Variants in LRRC69 observed in about 807,000 individuals in gnomAD.
LRRC69 encodes leucine rich repeat containing 69.
Under a neutral mutation model 37.8 loss-of-function variants are expected in LRRC69, and 42 were observed. That is an observed-to-expected ratio of 1.11 (90% CI 0.87 to 1.44). LRRC69 has a LOEUF of 1.44. Ranked by LOEUF, LRRC69 falls within the 40% of genes most tolerant of loss-of-function variation. The pLI is 0.00. For synonymous variants in LRRC69, 141 were observed against 143.1 expected, an observed-to-expected ratio of 0.99 and a Z score of 0.11; for missense variants, 357 against 401.9, an observed-to-expected ratio of 0.89 and a Z score of 0.96.
At chr8:91,112,231 A>G (rs144946253) in intron 1 of LRRC69, among the ~76,000 whole-genome samples, 3 of 152,092 alleles carry the variant, frequency 2.0e-5, no homozygotes, top group Admixed American at 6.5e-5. Context: ...AGCCGTGATC[A>G]CTCTGCATGT....
At chr8:91,160,021 G>A (rs374949318) in intron 5 of LRRC69, among the ~76,000 whole-genome samples, 2 of 151,254 alleles carry the variant, frequency 1.3e-5, no homozygotes, top group East Asian at 3.9e-4. Context: ...CCATGAACAT[G>A]AGATGTCTTT....
At chr8:91,160,089 T>C (rs1808911456) in intron 5 of LRRC69, among the ~76,000 whole-genome samples, 1 of 151,254 alleles carries the variant, frequency 6.6e-6, no homozygotes, top group African/African-American at 2.4e-5. Context: ...GGTATCATTG[T>C]GGAAATCTTT....
intron 7 of LRRC69, among the ~76,000 whole-genome samples, chr8:91,212,004 A>G (rs1008705371): frequency 1.3e-5 from 2 of 152,160 alleles, no homozygotes; most frequent in African/African-American, 2.4e-5. Context: ...TTCAGTCTCA[A>G]ATATCAATCT....
At chr8:91,197,832 CT>C (rs1809642944) in intron 6 of LRRC69, among the ~76,000 whole-genome samples, 1 of 149,886 alleles carries the variant, frequency 6.7e-6, no homozygotes. Flanking sequence ...GAGCTGTAGA[CT>C]GGAGCTGTTC....
At chr8:91,185,517 TCTGA>T (rs758488210) in intron 5 of LRRC69, among the ~76,000 whole-genome samples, 2 of 152,186 alleles carry the variant, frequency 1.3e-5, no homozygotes, top group Non-Finnish European at 2.9e-5. Context: ...TAGGTCACTT[TCTGA>T]CTATTTTCCC....
intron 5 of LRRC69, among the ~76,000 whole-genome samples, chr8:91,169,451 A>G (rs1809086121): frequency 6.6e-6 from 1 of 151,948 alleles, no homozygotes; most frequent in East Asian, 1.9e-4. Flanking sequence ...AGAAATTTCA[A>G]TATAGAAGCA....
chr8:91,118,188 A>G lies in LRRC69; in HGVS notation c.184-6305A>G, dbSNP rs145942550. 8.9e-4 allele frequency: 406 copies of G among 455,408 alleles called. 4 individuals carry two copies. The highest frequency in any genetic ancestry group is 7.1e-3 in the African/African-American group (357 of 50,036). 28.2% of individuals were successfully genotyped at this position (455,408 alleles called of 1,614,324 possible). A position where few individuals can be genotyped will look rare whatever the true frequency, so the allele number is the denominator to read the frequency against. ...ATATAATTGCCCACCTGCATTCTGT[A>G]TGTTGGTCTAGGTGACTTGTAAAAT... On this transcript the variant is annotated intron_variant, in intron 1 of 7. Coordinates refer to ENST00000448384, the Ensembl canonical transcript of LRRC69.
At chr8:91,115,697 TG>T (rs1563593941) in intron 1 of LRRC69, among the ~76,000 whole-genome samples, 27 of 151,928 alleles carry the variant, frequency 1.8e-4, no homozygotes. Flanking sequence ...TCTCCCTTTT[TG>T]CAATTTGTAA....
At chr8:91,137,779 CAA>C (rs1245046088) in intron 5 of LRRC69, among the ~76,000 whole-genome samples, 4 of 151,726 alleles carry the variant, frequency 2.6e-5, no homozygotes, top group African/African-American at 9.7e-5. Context: ...GATTCAAAAT[CAA>C]AGTTTCCCAC....
chr8:91,183,255 ATGAC>A (rs1809352520), intron 5 of LRRC69, among the ~76,000 whole-genome samples: 1 of 152,180 alleles, frequency 6.6e-6, no homozygotes, highest in Non-Finnish European at 1.5e-5. Flanking sequence ...CATCTGAAGA[ATGAC>A]AGACATACTG....
At chr8:91,145,028 T>A (rs1195292225) in intron 5 of LRRC69, among the ~76,000 whole-genome samples, 3 of 151,932 alleles carry the variant, frequency 2.0e-5, no homozygotes, top group African/African-American at 7.2e-5. Flanking sequence ...AACAGAAATA[T>A]TTCTGTGAAA....
At chr8:91,195,664 A>C (rs577664323) in intron 6 of LRRC69, among the ~76,000 whole-genome samples, 4 of 152,230 alleles carry the variant, frequency 2.6e-5, no homozygotes, top group African/African-American at 9.6e-5. Context: ...CTAGGATTGC[A>C]ACCCCTGCCT....
At chr8:91,193,806 T>C (rs1262586625) in intron 6 of LRRC69, among the ~76,000 whole-genome samples, 1 of 141,344 alleles carries the variant, frequency 7.1e-6, no homozygotes, top group Non-Finnish European at 1.5e-5. Context: ...AGGGACAATT[T>C]GACTTCCTCT....
rs202132415 is a variant in LRRC69 at position 91,140,952 on chromosome 8, C to T, written c.651+5213C>T. Among the ~76,000 whole-genome samples, 10 of 18,504 alleles carry T rather than the reference C, an allele frequency of 5.4e-4. 1 individual carries two copies. The highest frequency in any genetic ancestry group is 1.1e-3 in the African/African-American group (4 of 3,646). The allele number at this position is 18,504 out of a possible 152,430, so 12.1% of individuals were successfully genotyped here. On this transcript the variant is annotated intron_variant, in intron 5 of 7. Coordinates refer to ENST00000448384, the Ensembl canonical transcript of LRRC69. ...ACAGGCGTGAGCCACCGCGCCCGGC[C>T]TCAATATGTGATTTTTAATCATTGG...
chr8:91,181,213 A>G lies in LRRC69; in HGVS notation c.652-8309A>G, dbSNP rs144622330. Among the ~76,000 whole-genome samples the G allele has an allele frequency of 5.6e-3, 850 of 152,344 alleles. 2 individuals are homozygous for G. The highest frequency in any genetic ancestry group is 9.3e-3 in the Non-Finnish European group (632 of 68,040). On this transcript the variant is annotated intron_variant, in intron 5 of 7. Coordinates refer to ENST00000448384, the Ensembl canonical transcript of LRRC69. ...TGGAGAAAAAAAGATAAGAATTGGT[A>G]GAAGTTTTTTTGTATAAAAGATTTA...
At chr8:91,187,139 C>A (rs1397099442) in intron 5 of LRRC69, among the ~76,000 whole-genome samples, 1 of 152,176 alleles carries the variant, frequency 6.6e-6, no homozygotes, top group East Asian at 1.9e-4. Context: ...ACAGTCAAGT[C>A]TAGATCCTGA....
rs199499775 is a variant in LRRC69, at chr8:91,200,752, C to A, written c.893C>A (p.Thr298Asn). ...GCAATATGTGGACAGTACTTTATAA[C>A]CGTATGGCTGGAATGTGTTCGATTT... The change falls in exon 7 of 8, where the codon ACC becomes AAC. Residue 298 changes from threonine (T) to asparagine (N), a missense_variant. By Grantham distance (65) the Thr-to-Asn change is moderately conservative. Transcript: ENST00000448384. 4.6e-6 allele frequency: 7 copies of A among 1,531,772 alleles called. No individual in the cohort carries two copies. Among genetic ancestry groups the A allele is most frequent in the Non-Finnish European group, 4.4e-6 (5 of 1,141,024 alleles). The allele number at this position is 1,531,772 out of a possible 1,614,324, so 94.9% of individuals were successfully genotyped here. A position where few individuals can be genotyped will look rare whatever the true frequency, so the allele number is the denominator to read the frequency against.
At chr8:91,195,054 C>T (rs1374628712) in intron 6 of LRRC69, among the ~76,000 whole-genome samples, 1 of 152,154 alleles carries the variant, frequency 6.6e-6, no homozygotes, top group Non-Finnish European at 1.5e-5. Context: ...TCTTTGTTCT[C>T]ATTGGTTTCA....
At chr8:91,169,613 T>C (rs1043821097) in intron 5 of LRRC69, among the ~76,000 whole-genome samples, 1 of 148,628 alleles carries the variant, frequency 6.7e-6, no homozygotes, top group Non-Finnish European at 1.5e-5. Flanking sequence ...GCTGGTGCGC[T>C]GCACCCACTA....
Sources: allele counts gnomAD v4.1 joint callset (sites outside exome capture counted in the v4.1 genomes callset), GRCh38; gene constraint gnomAD v4.1.1; transcripts MANE v1.5; gene names NCBI Gene and HGNC (gene_info 2026-07-23, HGNC 2026-07-21).